NEU3: variants seen among roughly 807,000 people sequenced by gnomAD.
NEU3 encodes the protein neuraminidase 3, also known as sialidase-3.
Under a neutral mutation model 11.4 loss-of-function variants are expected in NEU3, and 10 were observed. The observed-to-expected ratio is 0.88, with a 90% CI of 0.54 to 1.49. The LOEUF is 1.49. Ranked by LOEUF, NEU3 falls within the 40% of genes most tolerant of loss-of-function variation. The pLI, the probability that NEU3 is intolerant of heterozygous loss-of-function variation, is 0.00. For missense variants in NEU3, 529 were observed against 581.8 expected (o/e 0.91, Z 0.93); for synonymous variants, 212 against 228.2 (o/e 0.93, Z 0.64).
At chr11:75,018,127 T>A (rs1165724677) in intron 3 of NEU3, among the ~76,000 whole-genome samples, 1 of 151,826 alleles carries the variant, frequency 6.6e-6, no homozygotes, top group Non-Finnish European at 1.5e-5. Flanking sequence ...TTCACTAAAT[T>A]CTGAGCCTAC....
intron 2 of NEU3, among the ~76,000 whole-genome samples, chr11:74,998,217 T>C (rs760414989): frequency 2.6e-5 from 4 of 152,170 alleles, no homozygotes; most frequent in Non-Finnish European, 5.9e-5. Flanking sequence ...ATTACAGTAA[T>C]AACATCAAAG....
At chr11:75,020,552 G>A (rs920294460), downstream of NEU3, among the ~76,000 whole-genome samples, 1 of 152,200 alleles carries the variant, frequency 6.6e-6, no homozygotes, top group Non-Finnish European at 1.5e-5. Flanking sequence ...CCCTTCACAA[G>A]CCCTCTCTTT....
chr11:74,986,474 A>G (rs919990077), upstream of NEU3, among the ~76,000 whole-genome samples: 4 of 152,270 alleles, frequency 2.6e-5, no homozygotes, highest in African/African-American at 9.6e-5. Flanking sequence ...AGATTTTAAA[A>G]TACTGATTTA....
rs186640771 is a variant in NEU3, at chr11:75,007,345, G to A, written c.*853G>A. ...ATTTCCCACAGTCTTTGCCCTCAAG[G>A]AGTTCACCAGTTTATGGGGCTAGAA... On this transcript the variant is annotated 3_prime_UTR_variant, in exon 3 of 3. Transcript: ENST00000294064. 2.0e-5 allele frequency: 3 copies of A among 152,302 alleles called. No homozygotes were observed. Among genetic ancestry groups the A allele is most frequent in the Admixed American group, 2.0e-4 (3 of 15,292 alleles). 9.4% of individuals were successfully genotyped at this position (152,302 alleles called of 1,614,324 possible). A position where few individuals can be genotyped will look rare whatever the true frequency, so the allele number is the denominator to read the frequency against.
In NEU3 at chr11:75,006,319, G is replaced by C. The variant is rs369416436; in HGVS notation, c.1213G>C (p.Asp405His). Residue 405 changes from aspartate (D) to histidine (H), a missense_variant, in exon 3 of 3, where the codon GAT (aspartate) becomes CAT (histidine). Asp to His is a moderately conservative substitution (Grantham distance 81, BLOSUM62 -1). Transcript: ENST00000294064. ...GCACTGTGGGCCCTGTGGCTACTCT[G>C]ATCTGGCTGCTCTGGAGGAGGAGGG... ...ILHCGPCGYS[D>H]LAALEEEGLF... The C allele has an allele frequency of 6.2e-7, 1 of 1,613,878 alleles. No individual in the cohort carries two copies. The highest frequency in any genetic ancestry group is 1.3e-5 in the African/African-American group (1 of 74,920).
chr11:74,980,964 A>G, the NEU3 span, among the ~76,000 whole-genome samples: 1 of 152,232 alleles, frequency 6.6e-6, no homozygotes, highest in Non-Finnish European at 1.5e-5. Context: ...GAAATTCCTT[A>G]TTCCTGTGGG....
At chr11:74,984,596 G>A (rs1466627897), upstream of NEU3, among the ~76,000 whole-genome samples, 1 of 152,150 alleles carries the variant, frequency 6.6e-6, no homozygotes, top group Admixed American at 6.6e-5. Context: ...TATCTTGGAA[G>A]CTCCCTAACT....
At chr11:74,996,962 G>T (rs948654028) in intron 2 of NEU3, among the ~76,000 whole-genome samples, 1 of 152,206 alleles carries the variant, frequency 6.6e-6, no homozygotes, top group Non-Finnish European at 1.5e-5. Context: ...AAACAGAAGT[G>T]CTTCATCCAG....
At chr11:75,014,822 C>T (rs867520659), downstream of NEU3, among the ~76,000 whole-genome samples, 20 of 151,812 alleles carry the variant, frequency 1.3e-4, no homozygotes, top group East Asian at 3.9e-4. Flanking sequence ...GCTGTGATTG[C>T]GCCATTGCAC....
chr11:75,002,307 C>T (rs984207482), intron 2 of NEU3, among the ~76,000 whole-genome samples: 6 of 152,160 alleles, frequency 3.9e-5, no homozygotes, highest in African/African-American at 1.4e-4. Flanking sequence ...CTCTGAGAGT[C>T]TATGATCTGC....
chr11:74,986,178 A>G (rs1373582987), upstream of NEU3, among the ~76,000 whole-genome samples: 3 of 151,842 alleles, frequency 2.0e-5, no homozygotes, highest in Non-Finnish European at 4.4e-5. Flanking sequence ...AATTTATTCT[A>G]TTTCACTGCT....
upstream of NEU3, chr11:74,988,929 C>T (rs955609404): frequency 8.3e-6 from 6 of 724,234 alleles, no homozygotes; most frequent in Non-Finnish European, 1.2e-5. Flanking sequence ...TACCTGTTTC[C>T]GGCAGTCGAC....
At chr11:75,017,045 C>T (rs1037839661) in intron 3 of NEU3, among the ~76,000 whole-genome samples, 13 of 152,156 alleles carry the variant, frequency 8.5e-5, no homozygotes, top group African/African-American at 3.1e-4. Flanking sequence ...CAGTAGAAAT[C>T]AGTGAGGGAA....
chr11:75,012,763 G>A (rs574300200), downstream of NEU3, among the ~76,000 whole-genome samples: 4 of 152,184 alleles, frequency 2.6e-5, no homozygotes, highest in Non-Finnish European at 2.9e-5. Context: ...TCTGGAACGA[G>A]GGTATAAAGT....
intron 2 of NEU3, among the ~76,000 whole-genome samples, chr11:74,999,135 T>TGTC (rs1948819612): frequency 3.5e-5 from 3 of 85,938 alleles, no homozygotes; most frequent in African/African-American, 9.7e-5. Context: ...AACTGTCTGT[T>TGTC]TGTCTGTCTG....
At chr11:75,015,896 C>G (rs117441346), downstream of NEU3, among the ~76,000 whole-genome samples, 1,694 of 152,268 alleles carry the variant, frequency 0.011, 17 homozygotes, top group Non-Finnish European at 0.015. Context: ...ATAAAGGTAA[C>G]ATCATAGCAT....
Position 74,988,943 on chromosome 11 carries a change from C to G in NEU3, c.-118C>G. The G allele has an allele frequency of 1.3e-6, 1 of 785,126 alleles. No homozygotes were observed. Among genetic ancestry groups the G allele is most frequent in the Non-Finnish European group, 2.1e-6 (1 of 483,668 alleles). The allele number at this position is 785,126 out of a possible 1,614,324, so 48.6% of individuals were successfully genotyped here. A position where few individuals can be genotyped will look rare whatever the true frequency, so the allele number is the denominator to read the frequency against. On this transcript the variant is annotated 5_prime_UTR_variant, in exon 1 of 3. Coordinates refer to ENST00000294064, the MANE Select transcript of NEU3 (RefSeq NM_006656.6). Reference sequence around the variant, plus strand: ...TTACCTGTTTCCGGCAGTCGACACGCTCTTCGCTTCTCGGGGCTTGTCTCC... The same window carrying G: ...TTACCTGTTTCCGGCAGTCGACACGGTCTTCGCTTCTCGGGGCTTGTCTCC...
chr11:75,011,987 C>T (rs541850758), downstream of NEU3, among the ~76,000 whole-genome samples: 14 of 152,274 alleles, frequency 9.2e-5, no homozygotes, highest in South Asian at 2.1e-4. Flanking sequence ...AATCCATCTT[C>T]GTCCTCTTTG....
At chr11:75,014,891 A>G (rs1410511406), downstream of NEU3, among the ~76,000 whole-genome samples, 1 of 152,006 alleles carries the variant, frequency 6.6e-6, no homozygotes, top group Non-Finnish European at 1.5e-5. Context: ...GAATAATAAA[A>G]ATACCTTTTA....
Sources: allele counts gnomAD v4.1 joint callset (sites outside exome capture counted in the v4.1 genomes callset), GRCh38; gene constraint gnomAD v4.1.1; transcripts MANE v1.5; gene names NCBI Gene and HGNC (gene_info 2026-07-23, HGNC 2026-07-21).